The following DGLUCY variants were observed in gnomAD, a reference collection of about 807,000 sequenced individuals.
DGLUCY encodes D-glutamate cyclase, mitochondrial.
In DGLUCY, 58 loss-of-function variants were observed where a neutral mutation model predicts 58.5. That is an observed-to-expected ratio of 0.99 (90% confidence interval 0.80 to 1.23). The LOEUF (loss-of-function observed/expected upper bound fraction) is 1.23. DGLUCY is among the 50% of genes most tolerant of loss of function. The pLI, the probability that DGLUCY is intolerant of heterozygous loss-of-function variation, is 0.00. For synonymous variants in DGLUCY, 325 were observed against 314.1 expected, an observed-to-expected ratio of 1.03 and a Z score of -0.37; for missense variants, 779 against 784.7, an observed-to-expected ratio of 0.99 and a Z score of 0.09.
chr14:91,149,706 C>T (rs1370606404), intron 1 of DGLUCY, among the ~76,000 whole-genome samples: 4 of 152,244 alleles, frequency 2.6e-5, no homozygotes, highest in East Asian at 3.8e-4. Context: ...TCTAGTTTTA[C>T]AGGCCAAGCA....
chr14:91,178,171 C>T (rs533718656), intron 7 of DGLUCY, among the ~76,000 whole-genome samples: 2 of 146,300 alleles, frequency 1.4e-5, no homozygotes, highest in East Asian at 4.0e-4. Flanking sequence ...CTCAAATTCC[C>T]TTTTTTTTTT....
At chr14:91,090,518 G>C (rs2044293790) in intron 1 of DGLUCY, among the ~76,000 whole-genome samples, 1 of 152,118 alleles carries the variant, frequency 6.6e-6, no homozygotes, top group Non-Finnish European at 1.5e-5. Context: ...GTTCCTGAGG[G>C]TTGGGCAGCG....
intron 1 of DGLUCY, among the ~76,000 whole-genome samples, chr14:91,079,029 G>A (rs1433155760): frequency 2.0e-5 from 3 of 149,656 alleles, no homozygotes; most frequent in South Asian, 2.1e-4. Context: ...TCAGCCTCCC[G>A]AGTAGCTGGA....
At chr14:91,184,550 T>TGGAA (rs1555402924) in intron 8 of DGLUCY, among the ~76,000 whole-genome samples, 2 of 95,584 alleles carry the variant, frequency 2.1e-5, no homozygotes, top group Non-Finnish European at 4.0e-5. Context: ...CAATACCCTG[T>TGGAA]GAAAGAAAGA....
intron 2 of DGLUCY, 69 bp downstream of exon 2, chr14:91,157,759 C>T (rs947136455): frequency 2.0e-5 from 3 of 152,158 alleles, no homozygotes; most frequent in African/African-American, 2.4e-5. Context: ...CTGGCACACT[C>T]CCAGCATGCA....
intron 1 of DGLUCY, among the ~76,000 whole-genome samples, chr14:91,134,570 T>C (rs780923468): frequency 2.1e-4 from 32 of 152,012 alleles, no homozygotes; most frequent in Non-Finnish European, 3.8e-4. Flanking sequence ...CCCGAGTAGC[T>C]GGGACTACAG....
At chr14:91,063,804 G>A (rs118092487) in intron 1 of DGLUCY, among the ~76,000 whole-genome samples, 3 of 152,350 alleles carry the variant, frequency 2.0e-5, no homozygotes, top group East Asian at 3.9e-4. Flanking sequence ...ACTTTATCCT[G>A]TGTGAAGTGG....
intron 3 of DGLUCY, among the ~76,000 whole-genome samples, chr14:91,163,190 G>A (rs1433641621): frequency 6.6e-6 from 1 of 152,008 alleles, no homozygotes; most frequent in Non-Finnish European, 1.5e-5. Context: ...AACCCTGGAG[G>A]TGGAGCTTGC....
At chr14:91,204,911 TTC>T in intron 12 of DGLUCY, 86 bp downstream of exon 12, 2 of 1,575,346 alleles carry the variant, frequency 1.3e-6, no homozygotes, top group Non-Finnish European at 1.7e-6. Context: ...GAAGCTCTTC[TTC>T]TCTGCAGTCA....
chr14:91,078,820 C>T (rs1159945021), intron 1 of DGLUCY, among the ~76,000 whole-genome samples: 1 of 151,906 alleles, frequency 6.6e-6, no homozygotes, highest in Admixed American at 6.6e-5. Context: ...TCTGGTAATA[C>T]TGTGGAATAT....
At chr14:91,098,334 G>C (rs2044430378) in intron 1 of DGLUCY, among the ~76,000 whole-genome samples, 1 of 151,874 alleles carries the variant, frequency 6.6e-6, no homozygotes, top group African/African-American at 2.4e-5. Context: ...GTGCGCATCT[G>C]TAAGTCCCAG....
chr14:91,064,622 C>CAAAAAAAAAAA (rs35830145), intron 1 of DGLUCY, among the ~76,000 whole-genome samples: 6 of 57,558 alleles, frequency 1.0e-4, no homozygotes, highest in Admixed American at 3.9e-4. Context: ...GACTCTGTCT[C>CAAAAAAAAAAA]AAAAAAAAAA....
rs35639010 is a variant in DGLUCY, at chr14:91,185,271, A to ATTT, written c.935-3612_935-3610dup. 4.2e-3 allele frequency among the ~76,000 whole-genome samples: 160 copies of ATTT among 38,376 alleles called. 23 individuals carry two copies. The highest frequency in any genetic ancestry group is 0.053 in the Middle Eastern group (2 of 38). The allele number at this position is 38,376 out of a possible 152,430, so 25.2% of individuals were successfully genotyped here. On this transcript the variant is annotated intron_variant, in intron 8 of 13. Coordinates refer to ENST00000256324, the MANE Select transcript of DGLUCY (RefSeq NM_001102368.3). ...GGTGTGAGCCACCGTGCCCAGCCGG[A>ATTT]TTTTTTTTTTTTTTTTTTTTTTTTT...
chr14:91,189,072 T>C lies in DGLUCY; in HGVS notation c.1097T>C (p.Val366Ala), dbSNP rs1250306523. The C allele has an allele frequency of 3.1e-6, 5 of 1,614,166 alleles. No homozygotes were observed. The highest frequency in any genetic ancestry group is 4.2e-6 in the Non-Finnish European group (5 of 1,180,030). ...GGCCCACCAGGAGCTGTTGCTCTGG[T>C]TGCCTTCCTGCAGGCCTTGGAGAAG... ...TDGPPGAVAL[V>A]AFLQALEKEV... is the part of the protein sequence containing the mutation. The change falls in exon 9 of 14, where the codon GTT (valine) becomes GCT (alanine). Residue 366 changes from valine to alanine, a missense_variant. Val to Ala is a moderately conservative substitution (Grantham distance 64). Coordinates refer to ENST00000256324, the MANE Select transcript of DGLUCY (RefSeq NM_001102368.3).
At position 91,224,817 on chromosome 14, in the gene DGLUCY, C is replaced by T. The variant is rs772712530; in HGVS notation, c.1850C>T (p.Thr617Ile). Residue 617 changes from threonine to isoleucine, a missense_variant, in exon 14 of 14, where the codon ACC becomes ATC. Transcript: ENST00000256324. ...ATGATCCAGAAGCTGGTGGACGTCA[C>T]CACGGCACAGGTGTAACCGTCCATG... ...AEMIQKLVDV[T>I]TAQV The T allele has an allele frequency of 1.9e-6, 3 of 1,612,736 alleles. No homozygotes were observed. The highest frequency in any genetic ancestry group is 1.3e-5 in the African/African-American group (1 of 74,994).
chr14:91,128,067 C>T (rs1419130419), intron 1 of DGLUCY, among the ~76,000 whole-genome samples: 2 of 152,080 alleles, frequency 1.3e-5, no homozygotes, highest in African/African-American at 2.4e-5. Flanking sequence ...GAGACCCCAC[C>T]TTACACCCAC....
chr14:91,078,657 T>A (rs922975822), intron 1 of DGLUCY, among the ~76,000 whole-genome samples: 26 of 152,308 alleles, frequency 1.7e-4, no homozygotes, highest in African/African-American at 6.3e-4. Context: ...GAGGATGTGG[T>A]AGCCCTAAAT....
chr14:91,128,820 G>A (rs1239523528), intron 1 of DGLUCY: 1 of 152,024 alleles, frequency 6.6e-6, no homozygotes, highest in African/African-American at 2.4e-5. Context: ...TGGGACCTCT[G>A]CTCACCCCCT....
Position 91,215,558 on chromosome 14 carries a change from T to G in DGLUCY, c.1716+2T>G, listed in dbSNP as rs754580707. ...CAGGCCCTCCCGTCGGTCATTAAGG[T>G]AACAAACCCCAGCCAGCCGCTCGCC... On this transcript the variant is annotated splice_donor_variant, in intron 13 of 13. Transcript: ENST00000256324. LOFTEE classifies it high-confidence loss of function. 3.1e-6 allele frequency: 5 copies of G among 1,613,510 alleles called. No individual in the cohort carries two copies. The highest frequency in any genetic ancestry group is 4.2e-6 in the Non-Finnish European group (5 of 1,179,628).
Sources: allele counts gnomAD v4.1 joint callset (sites outside exome capture counted in the v4.1 genomes callset), GRCh38; gene constraint gnomAD v4.1.1; transcripts MANE v1.5; gene names NCBI Gene and HGNC (gene_info 2026-07-23, HGNC 2026-07-21).